DLGAP1: variants seen among roughly 807,000 people sequenced by gnomAD.
DLGAP1 encodes DLG associated protein 1.
Under a neutral mutation model 90.8 loss-of-function variants are expected in DLGAP1, and 11 were observed. That is an observed-to-expected ratio of 0.12 (90% CI 0.08 to 0.20). The LOEUF (loss-of-function observed/expected upper bound fraction) is 0.20. Among genes scored for constraint, DLGAP1 ranks in the 10% least tolerant of loss-of-function variants. The pLI, the probability that DLGAP1 is intolerant of heterozygous loss-of-function variation, is 1.00. For missense variants in DLGAP1, 1,050 were observed against 1,333.8 expected (o/e 0.79, Z 3.31); for synonymous variants, 558 against 540.7 (o/e 1.03, Z -0.44).
intron 3 of DLGAP1, chr18:3,896,375 A>G (rs1169397226): frequency 6.6e-6 from 1 of 151,770 alleles, no homozygotes; most frequent in Non-Finnish European, 1.5e-5. Flanking sequence ...TCTTTTAGAC[A>G]TTCTTTTGAA....
At chr18:3,588,943 G>A (rs2056074634) in intron 7 of DLGAP1, among the ~76,000 whole-genome samples, 1 of 152,154 alleles carries the variant, frequency 6.6e-6, no homozygotes, top group Non-Finnish European at 1.5e-5. Flanking sequence ...GGCACTTTAG[G>A]AGGCCAAGGC....
intron 7 of DLGAP1, among the ~76,000 whole-genome samples, chr18:3,631,564 T>C (rs1474828922): frequency 1.3e-5 from 2 of 151,638 alleles, no homozygotes; most frequent in African/African-American, 4.8e-5. Flanking sequence ...CTGGGCAACA[T>C]AGTGAGACCT....
intron 7 of DLGAP1, among the ~76,000 whole-genome samples, chr18:3,589,193 AAG>A (rs2056090830): frequency 6.6e-6 from 1 of 152,168 alleles, no homozygotes. Context: ...GTCTGAAAAA[AAG>A]AAAAAAAAGA....
intron 1 of DLGAP1, among the ~76,000 whole-genome samples, chr18:4,399,053 A>G (rs1300613394): frequency 6.6e-6 from 1 of 152,120 alleles, no homozygotes; most frequent in Non-Finnish European, 1.5e-5. Context: ...GATGGTCACG[A>G]TCTCCTGACC....
chr18:4,136,027 C>T (rs1448753022), intron 2 of DLGAP1, among the ~76,000 whole-genome samples: 1 of 151,890 alleles, frequency 6.6e-6, no homozygotes, highest in African/African-American at 2.4e-5. Context: ...CTCCCCCCAC[C>T]TCATGACAGG....
chr18:3,755,203 A>T (rs1356774656), intron 5 of DLGAP1, among the ~76,000 whole-genome samples: 2 of 152,116 alleles, frequency 1.3e-5, no homozygotes, highest in African/African-American at 4.8e-5. Flanking sequence ...AACACAAAAG[A>T]AAGCAATAAT....
chr18:4,428,617 T>C (rs1286872266), intron 1 of DLGAP1, among the ~76,000 whole-genome samples: 2 of 152,042 alleles, frequency 1.3e-5, no homozygotes, highest in African/African-American at 4.8e-5. Flanking sequence ...GTCTCTCTCT[T>C]GGTCCTGCTT....
At chr18:4,369,726 TG>T (rs2081870864) in intron 1 of DLGAP1, among the ~76,000 whole-genome samples, 1 of 146,186 alleles carries the variant, frequency 6.8e-6, no homozygotes, top group Non-Finnish European at 1.5e-5. Flanking sequence ...TGAATGTGGC[TG>T]GGGGATTAGT....
At chr18:3,861,206 G>C (rs2070031756) in intron 4 of DLGAP1, among the ~76,000 whole-genome samples, 2 of 152,122 alleles carry the variant, frequency 1.3e-5, no homozygotes, top group African/African-American at 4.8e-5. Flanking sequence ...GGATTACATT[G>C]TTATAGGAGC....
intron 11 of DLGAP1, among the ~76,000 whole-genome samples, chr18:3,506,181 A>G (rs927497207): frequency 1.3e-5 from 2 of 151,760 alleles, no homozygotes; most frequent in African/African-American, 2.4e-5. Flanking sequence ...AGATTGCAGT[A>G]AGCCAAGATC....
At chr18:4,176,170 T>C (rs1340932893) in intron 1 of DLGAP1, among the ~76,000 whole-genome samples, 1 of 152,172 alleles carries the variant, frequency 6.6e-6, no homozygotes, top group Non-Finnish European at 1.5e-5. Context: ...TATTTTATTC[T>C]CTTTATAGTG....
At chr18:4,429,852 T>C (rs1283259377) in intron 1 of DLGAP1, among the ~76,000 whole-genome samples, 2 of 152,140 alleles carry the variant, frequency 1.3e-5, no homozygotes, top group Non-Finnish European at 2.9e-5. Flanking sequence ...GGAATAGTCA[T>C]AAACTGTAAT....
intron 1 of DLGAP1, among the ~76,000 whole-genome samples, chr18:4,339,986 T>C (rs1011297010): frequency 3.3e-5 from 5 of 152,200 alleles, no homozygotes; most frequent in African/African-American, 7.2e-5. Context: ...TTATGTTACA[T>C]TGGTCTTCTC....
At chr18:3,656,179 AAC>A (rs2059476479) in intron 7 of DLGAP1, 5 of 1,379,374 alleles carry the variant, frequency 3.6e-6, no homozygotes, top group Non-Finnish European at 5.0e-6. Flanking sequence ...GGCTTCTCAT[AAC>A]ACACGCATGC....
chr18:4,114,789 C>T (rs180898779), intron 2 of DLGAP1, among the ~76,000 whole-genome samples: 2 of 152,100 alleles, frequency 1.3e-5, no homozygotes, highest in African/African-American at 4.8e-5. Flanking sequence ...TTTAAGGTTT[C>T]TGTTTGCATG....
intron 2 of DLGAP1, among the ~76,000 whole-genome samples, chr18:4,079,287 TCACACACACACACACACA>T (rs6146196): frequency 0.072 from 10,260 of 142,572 alleles, 413 homozygotes; most frequent in Non-Finnish European, 0.084. Context: ...AAAGAAAATG[TCACACACACACACACACA>T]CACACACACA....
chr18:3,774,570 A>T (rs142772375), intron 5 of DLGAP1: 1 of 152,340 alleles, frequency 6.6e-6, no homozygotes, highest in East Asian at 1.9e-4. Context: ...GCTCCTGGAG[A>T]TGATGTCTCT....
chr18:3,797,401 C>T (rs112070673), intron 5 of DLGAP1, among the ~76,000 whole-genome samples: 1 of 152,022 alleles, frequency 6.6e-6, no homozygotes, highest in Non-Finnish European at 1.5e-5. Flanking sequence ...AGGAGGTGGC[C>T]CTATCTGCTA....
chr18:3,906,851 T>G (rs983734174), intron 3 of DLGAP1, among the ~76,000 whole-genome samples: 15 of 152,224 alleles, frequency 9.9e-5, no homozygotes, highest in African/African-American at 3.6e-4. Context: ...GAAAGAGAAC[T>G]TGGAACTCCA....
Sources: gnomAD v4.1 joint callset for allele counts (sites outside exome capture counted in the v4.1 genomes callset) on GRCh38, gnomAD v4.1.1 for gene constraint, MANE v1.5 for transcripts, NCBI Gene and HGNC (gene_info 2026-07-23, HGNC 2026-07-21) for gene names.